AQR: variants seen among roughly 807,000 people sequenced by gnomAD.
AQR encodes the protein RNA helicase aquarius.
Under a neutral mutation model 180.5 loss-of-function variants are expected in AQR, and 61 were observed. That is an observed-to-expected ratio of 0.34 (90% confidence interval 0.28 to 0.42). The LOEUF (loss-of-function observed/expected upper bound fraction) is 0.42, where lower values mean the gene tolerates loss of function less well. Among genes scored for constraint, AQR ranks in the 10% least tolerant of loss-of-function variants. AQR has a pLI of 1.00. For synonymous variants in AQR, 551 were observed against 588.8 expected (o/e 0.94, Z 0.93); for missense variants, 1,281 against 1,798.3 (o/e 0.71, Z 5.20).
chr15:34,883,234 G>A (rs1347633427), intron 26 of AQR, among the ~76,000 whole-genome samples: 1 of 152,120 alleles, frequency 6.6e-6, no homozygotes, highest in African/African-American at 2.4e-5. Flanking sequence ...TCTCTCATCG[G>A]CTATACTAAG....
chr15:34,910,264 G>A lies in AQR; in HGVS notation c.1534C>T (p.Gln512Ter). The change falls in exon 17 of 35, where the codon CAG becomes TAG. Residue 512 changes from glutamine to a stop codon, truncating the protein, a stop_gained. Coordinates refer to ENST00000156471, the MANE Select transcript of AQR (RefSeq NM_014691.3). LOFTEE classifies it high-confidence loss of function. Reference sequence around the variant, plus strand: ...ACGACAGTGAAAGCCACAATGGGCTGGGCCATTCGCGCCCAACCACCAAAC... The same window carrying A: ...ACGACAGTGAAAGCCACAATGGGCTAGGCCATTCGCGCCCAACCACCAAAC... The part of the protein sequence containing the change: ...VVFGGWARMA[Q>*]PIVAFTVVEV... 6.2e-7 allele frequency: 1 copy of A among 1,613,906 alleles called. No homozygotes were observed.
intron 4 of AQR, among the ~76,000 whole-genome samples, chr15:34,949,605 C>CAAAAAAAAAA (rs538711417): frequency 2.0e-5 from 1 of 49,682 alleles, no homozygotes; most frequent in African/African-American, 8.4e-5. Flanking sequence ...GACTCCGTCA[C>CAAAAAAAAAA]AAAAAAAAAA....
Position 34,867,535 on chromosome 15 carries a change from C to T in AQR, c.3843G>A (p.Val1281=), listed in dbSNP as rs752414187. 1 of 1,612,560 alleles carries T rather than the reference C, an allele frequency of 6.2e-7. No individual in the cohort carries two copies. The highest frequency in any genetic ancestry group is 1.7e-5 in the Admixed American group (1 of 59,850). ...ILLSLVRTRA[V]GHLRDVRRLV... ...TTTTTCCTACGTACCTCAGATGGCC[C>T]ACTGCCCTGGTTCGTACCAGAGAAA... Residue 1281 remains valine, a synonymous_variant, in exon 32 of 35, where the codon GTG becomes GTA. Transcript: ENST00000156471.
intron 16 of AQR, among the ~76,000 whole-genome samples, chr15:34,913,963 TA>T (rs1176137571): frequency 6.6e-6 from 1 of 152,096 alleles, no homozygotes; most frequent in African/African-American, 2.4e-5. Flanking sequence ...AACAATTAAT[TA>T]AAAAATAGAA....
intron 20 of AQR, 126 bp from the exon 21 acceptor site, chr15:34,897,831 T>C: frequency 2.0e-6 from 2 of 1,006,850 alleles, no homozygotes; most frequent in East Asian, 2.5e-5. Flanking sequence ...AAAGGAACGA[T>C]ATCTGTATGT....
At chr15:34,897,294 G>A (rs1428434856) in intron 21 of AQR, among the ~76,000 whole-genome samples, 1 of 152,146 alleles carries the variant, frequency 6.6e-6, no homozygotes, top group Non-Finnish European at 1.5e-5. Flanking sequence ...GGCTCATGAA[G>A]TAAGAACCCT....
intron 24 of AQR, among the ~76,000 whole-genome samples, chr15:34,887,974 G>A (rs140411630): frequency 6.6e-5 from 10 of 152,264 alleles, no homozygotes; most frequent in African/African-American, 2.4e-4. Context: ...TTAATAAAAT[G>A]CCAAAATTTT....
chr15:34,956,410 G>A (rs1483393090), intron 3 of AQR, among the ~76,000 whole-genome samples: 1 of 152,080 alleles, frequency 6.6e-6, no homozygotes, highest in Admixed American at 6.6e-5. Flanking sequence ...CAGCACTTTG[G>A]GAGGCCGAGG....
Position 34,927,050 on chromosome 15 carries a change from A to G in AQR, c.1103T>C (p.Phe368Ser). ...EVDTRESLVKFFGPLSSNTLH... is the reference protein window; with the variant it reads ...EVDTRESLVKSFGPLSSNTLH... ...GTTGTCTTACCTAAGAGGTCCAAAA[A>G]ACTTGACCAAGGACTCCCGAGTATC... Residue 368 changes from phenylalanine to serine, a missense_variant, in exon 13 of 35, where the codon TTT becomes TCT. Phe to Ser is a radical substitution (Grantham distance 155). Coordinates refer to ENST00000156471, the MANE Select transcript of AQR (RefSeq NM_014691.3). The G allele has an allele frequency of 6.3e-7, 1 of 1,584,868 alleles. No individual in the cohort carries two copies. The highest frequency in any genetic ancestry group is 1.2e-5 in the South Asian group (1 of 84,762).
In AQR at chr15:34,882,512, A is replaced by C. The variant is rs1892989577; in HGVS notation, c.3155T>G (p.Leu1052Arg). The C allele has an allele frequency of 6.3e-7, 1 of 1,579,942 alleles. No homozygotes were observed. Among genetic ancestry groups the C allele is most frequent in the Non-Finnish European group, 8.6e-7 (1 of 1,165,232 alleles). Reference sequence around the variant, plus strand: ...ACCATAAGTCTTTACCTTGAAACCTAGCTTGACCAAGTCATGTCGTTTTAA... The same window carrying C: ...ACCATAAGTCTTTACCTTGAAACCTCGCTTGACCAAGTCATGTCGTTTTAA... Reference protein sequence around the residue: ...AALKRHDLVKLGFKYDNILME... With the variant: ...AALKRHDLVKRGFKYDNILME... The change falls in exon 27 of 35, where the codon CTA (leucine) becomes CGA (arginine). Residue 1052 changes from leucine (L) to arginine (R), a missense_variant. Leu to Arg is a moderately radical substitution (Grantham distance 102). This residue lies in a region of AQR where 125 missense variants were observed against 185.0 expected (regional missense o/e 0.68). Coordinates refer to ENST00000156471, the MANE Select transcript of AQR (RefSeq NM_014691.3).
intron 2 of AQR, 108 bp from the exon 3 acceptor site, chr15:34,960,922 C>A: frequency 2.3e-6 from 1 of 441,322 alleles, no homozygotes; most frequent in South Asian, 2.6e-5. Context: ...TTAGGAAAGC[C>A]ATCAAATATT....
chr15:34,870,909 G>T lies in AQR; in HGVS notation c.3611C>A (p.Ala1204Glu). Residue 1204 changes from alanine to glutamate, a missense_variant, in exon 31 of 35, where the codon GCA (alanine) becomes GAA (glutamate). By Grantham distance (107) the Ala-to-Glu change is moderately radical. Coordinates refer to ENST00000156471, the MANE Select transcript of AQR (RefSeq NM_014691.3). ...NPYFYQNLGE[A>E]EYVVALFMYM... ...CATAAAAAGTGCTACTACATATTCT[G>T]CCTCTCCAAGATTCTGTAATGCAAA... The T allele has an allele frequency of 6.2e-7, 1 of 1,611,916 alleles. No individual in the cohort carries two copies. The highest frequency in any genetic ancestry group is 8.5e-7 in the Non-Finnish European group (1 of 1,178,822).
At chr15:34,872,143 A>T (rs1892828617) in intron 30 of AQR, among the ~76,000 whole-genome samples, 1 of 152,162 alleles carries the variant, frequency 6.6e-6, no homozygotes, top group Non-Finnish European at 1.5e-5. Flanking sequence ...GACATGAAGC[A>T]TTAACAATAA....
chr15:34,959,801 T>C (rs1156679584), intron 3 of AQR, among the ~76,000 whole-genome samples: 1 of 152,212 alleles, frequency 6.6e-6, no homozygotes, highest in Non-Finnish European at 1.5e-5. Flanking sequence ...TGAAGCTGAC[T>C]ACTACAATGC....
At chr15:34,953,133 G>C (rs1035676152) in intron 3 of AQR, among the ~76,000 whole-genome samples, 2 of 152,142 alleles carry the variant, frequency 1.3e-5, no homozygotes, top group East Asian at 3.8e-4. Context: ...CTTTGCTAGA[G>C]TCATGCCTTC....
Position 34,863,023 on chromosome 15 carries a change from T to C in AQR, c.3873A>G (p.Val1291=). The change falls in exon 33 of 35, where the codon GTA becomes GTG. Residue 1291 remains valine (V), a synonymous_variant. Coordinates refer to ENST00000156471, the MANE Select transcript of AQR (RefSeq NM_014691.3). ...CAAGTCTGGCTCTAGACATGGCCACTACCAAGCGACGGACATCCCTTTGGG... is the reference window on the plus strand; with the variant it reads ...CAAGTCTGGCTCTAGACATGGCCACCACCAAGCGACGGACATCCCTTTGGG... ...VGHLRDVRRL[V]VAMSRARLGL... 1 of 1,612,986 alleles carries C rather than the reference T, an allele frequency of 6.2e-7. No individual in the cohort carries two copies. Among genetic ancestry groups the C allele is most frequent in the South Asian group, 1.1e-5 (1 of 91,014 alleles).
At chr15:34,896,778 G>T in intron 22 of AQR, 119 bp downstream of exon 22, 3 of 811,176 alleles carry the variant, frequency 3.7e-6, no homozygotes, top group Middle Eastern at 2.2e-4. Context: ...GAACCTGGGA[G>T]GCAGAGGCTG....
chr15:34,884,729 C>T lies in AQR; in HGVS notation c.2823G>A (p.Met941Ile). The change falls in exon 26 of 35, where the codon ATG (methionine) becomes ATA (isoleucine). Residue 941 changes from methionine to isoleucine, a missense_variant. By Grantham distance (10) the Met-to-Ile change is conservative. This residue lies in a region of AQR where 125 missense variants were observed against 185.0 expected (regional missense o/e 0.68). Transcript: ENST00000156471. ...TGCTGATATACTCTTCCCAGCGAGA[C>T]ATTACCTGTAGAAAAAAGGACTTGA... ...TAGYFFLYQVMSRWEEYISKV... is the reference protein window; with the variant it reads ...TAGYFFLYQVISRWEEYISKV... 3 of 1,595,172 alleles carry T rather than the reference C, an allele frequency of 1.9e-6. No individual in the cohort carries two copies. Among genetic ancestry groups the T allele is most frequent in the African/African-American group, 1.4e-5 (1 of 73,670 alleles).
At chr15:34,863,690 C>A (rs1411385873) in intron 32 of AQR, among the ~76,000 whole-genome samples, 1 of 152,114 alleles carries the variant, frequency 6.6e-6, no homozygotes. Context: ...AACGGTTAAA[C>A]TGAATGATCA....
Sources: allele counts gnomAD v4.1 joint callset (sites outside exome capture counted in the v4.1 genomes callset), GRCh38; gene constraint gnomAD v4.1.1; regional missense constraint gnomAD v4.1.1; transcripts MANE v1.5; gene names NCBI Gene and HGNC (gene_info 2026-07-23, HGNC 2026-07-21).